The following SASH1 variants were observed in gnomAD, a reference collection of about 807,000 sequenced individuals.
The protein encoded by SASH1 is SAM and SH3 domain containing 1.
In SASH1, 44 loss-of-function variants were observed where a neutral mutation model predicts 125.2. That is an observed-to-expected ratio of 0.35 (90% CI 0.28 to 0.45). The LOEUF (loss-of-function observed/expected upper bound fraction) is 0.45, where lower values mean the gene tolerates loss of function less well. Among genes scored for constraint, SASH1 ranks in the 20% least tolerant of loss-of-function variants. SASH1 has a pLI of 1.00. For synonymous variants in SASH1, 639 were observed against 649.1 expected, an observed-to-expected ratio of 0.98 and a Z score of 0.24; for missense variants, 1,426 against 1,614.5, an observed-to-expected ratio of 0.88 and a Z score of 2.00.
intron 1 of SASH1, among the ~76,000 whole-genome samples, chr6:148,287,706 G>GGC (rs1779522099): frequency 1.8e-5 from 1 of 55,632 alleles, no homozygotes; most frequent in African/African-American, 9.0e-5. Flanking sequence ...GGGGGGTGGG[G>GGC]GGTGGTATTC....
At chr6:148,512,019 T>TTATTTATC in intron 8 of SASH1, among the ~76,000 whole-genome samples, 1 of 151,534 alleles carries the variant, frequency 6.6e-6, no homozygotes, top group East Asian at 1.9e-4. Context: ...ATTTATTTAT[T>TTATTTATC]TATTTATTTA....
chr6:148,284,525 C>A (rs1043431439), intron 1 of SASH1, among the ~76,000 whole-genome samples: 1 of 152,126 alleles, frequency 6.6e-6, no homozygotes, highest in Non-Finnish European at 1.5e-5. Flanking sequence ...CATAACCTAA[C>A]CTAGAGGTAC....
At chr6:148,471,596 C>G in intron 6 of SASH1, 93 bp downstream of exon 6, 1 of 756,480 alleles carries the variant, frequency 1.3e-6, no homozygotes, top group Admixed American at 2.4e-5. Flanking sequence ...TATAAGTTAG[C>G]GTAACTCACC....
the SASH1 span, among the ~76,000 whole-genome samples, chr6:148,233,074 C>T: frequency 1.1e-4 from 16 of 151,978 alleles, no homozygotes; most frequent in East Asian, 5.8e-4. Flanking sequence ...AATTAGCCGG[C>T]GTGGTGGTAC....
intron 7 of SASH1, among the ~76,000 whole-genome samples, chr6:148,482,939 TCAGCCTCCCAAAGTGG>T (rs1778694159): frequency 1.3e-5 from 2 of 152,116 alleles, no homozygotes; most frequent in African/African-American, 4.8e-5. Context: ...TCCACCTGCC[TCAGCCTCCCAAAGTGG>T]TGGGATTACA....
Position 148,312,966 on chromosome 6 carries a change from G to A in SASH1, n.74+40589G>A, listed in dbSNP as rs550018965. On this transcript the variant is annotated intron_variant and non_coding_transcript_variant, in intron 1 of 3. Coordinates refer to the SASH1 transcript ENST00000367469. ...TAAAGGACAGGTAGAAGTGTCAACA[G>A]AGATTCAGTGGGATGTGCAAGGATT... Among the ~76,000 whole-genome samples the A allele has an allele frequency of 3.9e-5, 6 of 152,276 alleles. No individual in the cohort carries two copies. In the East Asian group the frequency reaches 1.2e-3, roughly 29 times the overall value.
At chr6:148,458,696 G>T (rs548198648) in intron 4 of SASH1, among the ~76,000 whole-genome samples, 21 of 152,134 alleles carry the variant, frequency 1.4e-4, no homozygotes, top group Admixed American at 4.6e-4. Context: ...TGAGGCATGG[G>T]GGCTCACACC....
At chr6:148,541,881 T>G (rs907849394) in intron 17 of SASH1, among the ~76,000 whole-genome samples, 2 of 152,202 alleles carry the variant, frequency 1.3e-5, no homozygotes, top group African/African-American at 4.8e-5. Flanking sequence ...CTCCCCAAAC[T>G]ATATATAATA....
Position 148,504,302 on chromosome 6 carries a change from G to A in SASH1, c.730-10022G>A, listed in dbSNP as rs532483220. On this transcript the variant is annotated intron_variant, in intron 8 of 19. Transcript: ENST00000367467. Reference sequence around the variant, plus strand: ...GCAGGGGGTGAGACCGGGTGCTCTGGTGCCCTTTCTACCACGTGGTATCTG... The same window carrying A: ...GCAGGGGGTGAGACCGGGTGCTCTGATGCCCTTTCTACCACGTGGTATCTG... 3.9e-5 allele frequency among the ~76,000 whole-genome samples: 6 copies of A among 152,242 alleles called. No individual in the cohort carries two copies. In the South Asian group the frequency reaches 6.2e-4, roughly 16 times the overall value.
At chr6:148,218,915 T>C in the SASH1 span, among the ~76,000 whole-genome samples, 1 of 152,224 alleles carries the variant, frequency 6.6e-6, no homozygotes, top group Non-Finnish European at 1.5e-5. Context: ...AATATCCCTC[T>C]TCCAATCCAA....
intron 1 of SASH1, among the ~76,000 whole-genome samples, chr6:148,362,506 C>G (rs1782275838): frequency 6.6e-6 from 1 of 151,786 alleles, no homozygotes; most frequent in African/African-American, 2.4e-5. Flanking sequence ...GTCTAATGCC[C>G]CTGGTTTTCT....
chr6:148,347,544 G>A (rs1781562059), intron 1 of SASH1, among the ~76,000 whole-genome samples: 1 of 152,128 alleles, frequency 6.6e-6, no homozygotes. Flanking sequence ...TTCCTTTGTT[G>A]TTTTAGGCCC....
At chr6:148,318,519 T>C (rs919537709) in intron 1 of SASH1, among the ~76,000 whole-genome samples, 1 of 152,070 alleles carries the variant, frequency 6.6e-6, no homozygotes, top group Non-Finnish European at 1.5e-5. Flanking sequence ...GCAGCTTCTT[T>C]TCTCACCTTT....
intron 10 of SASH1, among the ~76,000 whole-genome samples, chr6:148,522,451 ATTC>A (rs1380197867): frequency 6.6e-6 from 1 of 152,164 alleles, no homozygotes; most frequent in Admixed American, 6.5e-5. Context: ...AGTTTCCTTT[ATTC>A]TTCAACCTCA....
At chr6:148,279,023 C>T (rs1356661578) in intron 1 of SASH1, among the ~76,000 whole-genome samples, 6 of 151,726 alleles carry the variant, frequency 4.0e-5, no homozygotes, top group East Asian at 1.9e-4. Flanking sequence ...GGCAGAGTCT[C>T]GCTCTGTTGC....
intron 1 of SASH1, among the ~76,000 whole-genome samples, chr6:148,308,925 A>T (rs1427772506): frequency 6.6e-6 from 1 of 151,098 alleles, no homozygotes; most frequent in Non-Finnish European, 1.5e-5. Flanking sequence ...CTCTACTAAG[A>T]ATACAAAAAT....
At chr6:148,427,634 AG>A in intron 2 of SASH1, among the ~76,000 whole-genome samples, 1 of 152,242 alleles carries the variant, frequency 6.6e-6, no homozygotes, top group Non-Finnish European at 1.5e-5. Context: ...ACATTAAAGC[AG>A]TATACGCCTT....
At chr6:148,215,185 C>A in the SASH1 span, among the ~76,000 whole-genome samples, 9 of 152,170 alleles carry the variant, frequency 5.9e-5, no homozygotes, top group African/African-American at 1.9e-4. Flanking sequence ...GGGCCACTCA[C>A]CTAGCTTTAT....
rs1779286251 is a variant in SASH1, at chr6:148,495,860, G to T, written c.729+8145G>T. On this transcript the variant is annotated intron_variant, in intron 8 of 19. Transcript: ENST00000367467. The surrounding 1 kb of genome is among the most constrained non-coding windows in gnomAD (Gnocchi z 4.0). ...AATTATTCATTTATTTTTTGAGAAG[G>T]AGTCTCATTCTGTCACCCAGGCTGG... Among the ~76,000 whole-genome samples the T allele has an allele frequency of 6.6e-6, 1 of 152,162 alleles. No individual in the cohort carries two copies. Among genetic ancestry groups the T allele is most frequent in the Non-Finnish European group, 1.5e-5 (1 of 68,040 alleles).
Sources: gnomAD v4.1 joint callset for allele counts (sites outside exome capture counted in the v4.1 genomes callset) on GRCh38, gnomAD v4.1.1 for gene constraint, Gnocchi (gnomAD v3.1) non-coding constraint, MANE v1.5 for transcripts, NCBI Gene and HGNC (gene_info 2026-07-23, HGNC 2026-07-21) for gene names.